DCP1B: variants seen among roughly 807,000 people sequenced by gnomAD.
DCP1B encodes the protein mRNA-decapping enzyme 1B.
A neutral mutation model predicts 60.5 loss-of-function variants in DCP1B; 47 were observed. The observed-to-expected ratio is 0.78, with a 90% CI of 0.61 to 0.99. The LOEUF (loss-of-function observed/expected upper bound fraction) is 0.99. Among genes scored for constraint, DCP1B ranks in the 50% least tolerant of loss-of-function variants. The pLI, the probability that DCP1B is intolerant of heterozygous loss-of-function variation, is 0.00. For missense variants in DCP1B, 725 were observed against 756.8 expected (o/e 0.96, Z 0.49); for synonymous variants, 267 against 280.3 (o/e 0.95, Z 0.47).
chr12:1,983,854 CAAA>C (rs916122309), intron 3 of DCP1B, among the ~76,000 whole-genome samples: 9 of 151,192 alleles, frequency 6.0e-5, no homozygotes, highest in African/African-American at 2.2e-4. Flanking sequence ...AAAAAAAAAA[CAAA>C]AACTTCTCCT....
chr12:1,993,328 T>A lies in DCP1B; in HGVS notation c.255A>T (p.Glu85Asp), dbSNP rs1565857252. The change falls in exon 3 of 9, where the codon GAA (glutamate) becomes GAT (aspartate). Residue 85 changes from glutamate (E) to aspartate (D), a missense_variant. Glu to Asp is a conservative substitution (Grantham distance 45). Coordinates refer to ENST00000280665, the MANE Select transcript of DCP1B (RefSeq NM_152640.5). ...GGAAATCCAAGTCTTTAGTAATAGG[T>A]TCTGTCCTATTTTCCATGCTCAGCC... is the stretch of plus-strand genomic sequence containing the variant. ...MNRLSMENRT[E>D]PITKDLDFQL... 6.2e-7 allele frequency: 1 copy of A among 1,613,982 alleles called. No individual in the cohort carries two copies. Among genetic ancestry groups the A allele is most frequent in the Admixed American group, 1.7e-5 (1 of 60,010 alleles).
rs2031116255 is a variant in DCP1B, at chr12:1,961,296, A to G, written c.522+4262T>C. Reference sequence around the variant, plus strand: ...GTCTTAGGGAAGGCTTGAAGACTCCAAGGGTTCCTGTACTGGGCAATGACA... The same window carrying G: ...GTCTTAGGGAAGGCTTGAAGACTCCGAGGGTTCCTGTACTGGGCAATGACA... On this transcript the variant is annotated intron_variant, in intron 5 of 8. Coordinates refer to ENST00000280665, the MANE Select transcript of DCP1B (RefSeq NM_152640.5). 2.0e-5 allele frequency: 3 copies of G among 152,238 alleles called. No homozygotes were observed. The South Asian group carries it at 6.2e-4, about 32-fold the overall frequency. The allele number at this position is 152,238 out of a possible 1,614,324, so 9.4% of individuals were successfully genotyped here.
At chr12:1,986,589 G>A (rs563762200) in intron 3 of DCP1B, among the ~76,000 whole-genome samples, 2 of 152,238 alleles carry the variant, frequency 1.3e-5, no homozygotes, top group South Asian at 2.1e-4. Context: ...CTTCACGGTA[G>A]GGGTAGAAGA....
intron 3 of DCP1B, among the ~76,000 whole-genome samples, chr12:1,977,626 T>C (rs532476061): frequency 1.3e-5 from 2 of 152,244 alleles, no homozygotes; most frequent in African/African-American, 2.4e-5. Context: ...ATATAAGATA[T>C]GGTCTTTGCC....
chr12:1,955,526 C>T lies in DCP1B; in HGVS notation c.557G>A (p.Ser186Asn), dbSNP rs147973625. 6.2e-7 allele frequency: 1 copy of T among 1,613,780 alleles called. No homozygotes were observed. Among genetic ancestry groups the T allele is most frequent in the Middle Eastern group, 1.7e-4 (1 of 6,060 alleles). ...KTCSEPKKIT[S>N]SSAIYDNPNL... is the part of the protein sequence containing the mutation. ...TGGATTGTCATAGATGGCAGAGGAA[C>T]TGGTTATCTTTTTTGGCTCAGAACA... The change falls in exon 6 of 9, where the codon AGT becomes AAT. Residue 186 changes from serine to asparagine, a missense_variant. Coordinates refer to ENST00000280665, the MANE Select transcript of DCP1B (RefSeq NM_152640.5).
chr12:1,957,105 C>A lies in DCP1B; in HGVS notation c.523-1545G>T, dbSNP rs537165098. 2.6e-3 allele frequency among the ~76,000 whole-genome samples: 397 copies of A among 152,304 alleles called. 3 individuals carry two copies. Among genetic ancestry groups the A allele is most frequent in the African/African-American group, 9.0e-3 (373 of 41,566 alleles). On this transcript the variant is annotated intron_variant, in intron 5 of 8. Transcript: ENST00000280665. ...CAGAGTGCTCAGAATTAATCATCCA[C>A]CTCAGTAGTTTGTAGCTCATTTTCC...
intron 2 of DCP1B, among the ~76,000 whole-genome samples, chr12:1,995,783 C>T (rs553698933): frequency 2.0e-5 from 3 of 152,338 alleles, no homozygotes; most frequent in Non-Finnish European, 2.9e-5. Context: ...AAACCCTCAT[C>T]GGTTCCTCTT....
rs1301464839 is a variant in DCP1B at position 1,971,233 on chromosome 12, G to A, written c.320-3323C>T. On this transcript the variant is annotated intron_variant, in intron 3 of 8. Transcript: ENST00000280665. The surrounding 1 kb of genome is among the most constrained non-coding windows in gnomAD (Gnocchi z 4.2). ...AACCCTAAAGTGAAATAAAGAGTAGGAAGAACATGTTGAAATTTACTCTAA... is the reference window on the plus strand; with the variant it reads ...AACCCTAAAGTGAAATAAAGAGTAGAAAGAACATGTTGAAATTTACTCTAA... 8 of 1,226,412 alleles carry A rather than the reference G, an allele frequency of 6.5e-6. No homozygotes were observed. Among genetic ancestry groups the A allele is most frequent in the African/African-American group, 1.5e-5 (1 of 64,520 alleles). 76.0% of individuals were successfully genotyped at this position (1,226,412 alleles called of 1,614,324 possible).
chr12:2,002,784 C>T (rs1218702235), intron 1 of DCP1B, among the ~76,000 whole-genome samples: 2 of 152,142 alleles, frequency 1.3e-5, no homozygotes, highest in Non-Finnish European at 2.9e-5. Flanking sequence ...CATTTTTCTA[C>T]AGAGCAGCAA....
downstream of DCP1B, among the ~76,000 whole-genome samples, chr12:1,945,592 T>A (rs752008846): frequency 2.0e-5 from 3 of 152,244 alleles, no homozygotes; most frequent in Non-Finnish European, 4.4e-5. Flanking sequence ...CGTATGTTTA[T>A]TGCAGCACTA....
intron 3 of DCP1B, among the ~76,000 whole-genome samples, chr12:1,986,059 C>T (rs184405007): frequency 0.016 from 2,495 of 152,306 alleles, 41 homozygotes; most frequent in Non-Finnish European, 0.02. Flanking sequence ...GTGATCTGCC[C>T]GCCTTGGCCT....
At chr12:1,978,132 T>C (rs1415063361) in intron 3 of DCP1B, among the ~76,000 whole-genome samples, 2 of 152,178 alleles carry the variant, frequency 1.3e-5, no homozygotes, top group Non-Finnish European at 2.9e-5. Context: ...AAGAGAAATC[T>C]TGCTTCTCTG....
intron 3 of DCP1B, among the ~76,000 whole-genome samples, chr12:1,981,969 C>G (rs1309315723): frequency 6.6e-6 from 1 of 152,180 alleles, no homozygotes; most frequent in Non-Finnish European, 1.5e-5. Flanking sequence ...AGAGTAGCAG[C>G]AGATGTGATC....
At chr12:1,954,891 C>T (rs562357567) in intron 6 of DCP1B, among the ~76,000 whole-genome samples, 2 of 152,270 alleles carry the variant, frequency 1.3e-5, no homozygotes, top group East Asian at 3.9e-4. Flanking sequence ...GAGACATGGT[C>T]TTGCTTTCTT....
chr12:1,961,762 A>T lies in DCP1B; in HGVS notation c.522+3796T>A, dbSNP rs536371996. Among the ~76,000 whole-genome samples the T allele has an allele frequency of 5.3e-5, 8 of 152,350 alleles. No homozygotes were observed. The South Asian group carries it at 1.7e-3, about 32-fold the overall frequency. On this transcript the variant is annotated intron_variant, in intron 5 of 8. Coordinates refer to ENST00000280665, the MANE Select transcript of DCP1B (RefSeq NM_152640.5). ...TGTCATTTTTACTAAGCCTTAAAGGATATGTAAATTCTGAAGGGTAAATAA... is the reference window on the plus strand; with the variant it reads ...TGTCATTTTTACTAAGCCTTAAAGGTTATGTAAATTCTGAAGGGTAAATAA...
chr12:1,970,210 A>G (rs1046001070), intron 3 of DCP1B, among the ~76,000 whole-genome samples: 1 of 152,236 alleles, frequency 6.6e-6, no homozygotes, highest in African/African-American at 2.4e-5. Context: ...CGAAAATGCT[A>G]CGGAACATCT....
intron 3 of DCP1B, among the ~76,000 whole-genome samples, chr12:1,984,042 G>C (rs1270189715): frequency 1.3e-5 from 2 of 151,822 alleles, no homozygotes; most frequent in Non-Finnish European, 2.9e-5. Flanking sequence ...TGTTAATCTA[G>C]ACACCCCAGT....
chr12:1,994,643 A>T (rs2040359604), intron 2 of DCP1B, among the ~76,000 whole-genome samples: 1 of 152,102 alleles, frequency 6.6e-6, no homozygotes, highest in Admixed American at 6.5e-5. Flanking sequence ...GTCTCTATGA[A>T]CTCTCTATTA....
downstream of DCP1B, among the ~76,000 whole-genome samples, chr12:1,944,113 A>C (rs548891666): frequency 6.6e-6 from 1 of 152,206 alleles, no homozygotes; most frequent in Non-Finnish European, 1.5e-5. Flanking sequence ...ATGTGCAAAA[A>C]TCACAAGCAT....
Sources: allele counts gnomAD v4.1 joint callset (sites outside exome capture counted in the v4.1 genomes callset), GRCh38; gene constraint gnomAD v4.1.1; non-coding constraint Gnocchi (gnomAD v3.1); transcripts MANE v1.5; gene names NCBI Gene and HGNC (gene_info 2026-07-23, HGNC 2026-07-21).